The following PCLO variants were observed in gnomAD, a reference collection of about 807,000 sequenced individuals.
The protein encoded by PCLO is protein piccolo.
A neutral mutation model predicts 427.5 loss-of-function variants in PCLO; 82 were observed. The observed-to-expected ratio is 0.19, with a 90% confidence interval of 0.16 to 0.23. The LOEUF is 0.23. Among genes scored for constraint, PCLO ranks in the 10% least tolerant of loss-of-function variants. The probability of loss-of-function intolerance (pLI) is 1.00; values close to 1 mark genes in which losing one functional copy is unlikely to be tolerated. For synonymous variants in PCLO, 2,357 were observed against 2,155.4 expected, an observed-to-expected ratio of 1.09 and a Z score of -2.59; for missense variants, 6,239 against 6,115.9, an observed-to-expected ratio of 1.02 and a Z score of -0.67.
chr7:83,061,697 C>A (rs1034634017), intron 3 of PCLO, among the ~76,000 whole-genome samples: 4 of 152,088 alleles, frequency 2.6e-5, no homozygotes, highest in Admixed American at 2.0e-4. Context: ...AAATAGGATC[C>A]TTTCTGCCTT....
intron 3 of PCLO, among the ~76,000 whole-genome samples, chr7:83,037,862 C>T (rs1259960230): frequency 6.8e-6 from 1 of 146,600 alleles, no homozygotes; most frequent in Non-Finnish European, 1.5e-5. Context: ...TTCACTGGGA[C>T]CATTGAAGGA....
intron 18 of PCLO, among the ~76,000 whole-genome samples, chr7:82,825,828 A>G (rs1278936824): frequency 6.7e-6 from 1 of 148,180 alleles, no homozygotes; most frequent in African/African-American, 2.4e-5. Context: ...TAATATACGT[A>G]TATATAACAT....
In PCLO at chr7:82,758,698, A is replaced by G. The variant is rs752385627; in HGVS notation, c.15306T>C (p.Asn5102=). Residue 5102 remains asparagine (N), a synonymous_variant, in exon 25 of 25, where the codon AAT becomes AAC. Transcript: ENST00000333891. ...AGGTCTTTTTCATAAACTTCCCTCC[A>G]TTGGAGAAAAGTAAAATCTAGAAAA... The part of the protein sequence containing the change: ...GHSLQILLFS[N]GGKFMKKTLI... 4.1e-5 allele frequency: 65 copies of G among 1,599,224 alleles called. No homozygotes were observed. Among genetic ancestry groups the G allele is most frequent in the Non-Finnish European group, 5.5e-5 (64 of 1,169,044 alleles).
intron 8 of PCLO, among the ~76,000 whole-genome samples, chr7:82,905,210 C>T (rs1441713388): frequency 6.6e-6 from 1 of 151,952 alleles, no homozygotes; most frequent in South Asian, 2.1e-4. Flanking sequence ...TGCCTATAGG[C>T]CTCCCAGAAA....
In PCLO at chr7:82,952,028, C is replaced by G. The variant is rs1795363566; in HGVS notation, c.8925G>C (p.Gln2975His). The stretch of plus-strand genomic sequence containing the variant: ...AACCATATGGCCCTGATCGATCATA[C>G]TGATAGTGGTCATCCCTATAACCAA... ...DRFGYRDDHY[Q>H]YDRSGPYGYR... Residue 2975 changes from glutamine (Q) to histidine (H), a missense_variant, in exon 5 of 25, where the codon CAG becomes CAC. Gln to His is a conservative substitution (Grantham distance 24). Transcript: ENST00000333891. 1 of 1,613,948 alleles carries G rather than the reference C, an allele frequency of 6.2e-7. No homozygotes were observed. Among genetic ancestry groups the G allele is most frequent in the Non-Finnish European group, 8.5e-7 (1 of 1,179,840 alleles).
In PCLO at chr7:82,916,684, T is replaced by G; in HGVS notation, c.11302A>C (p.Arg3768=). ...TCCCTTTCCACAAGATCAAGCTCTC[T>G]GTCTATGTCCTGGAGAATCTTGGCT... ...ARAKILQDID[R]ELDLVERESA... is the part of the protein sequence containing the mutation. Residue 3768 remains arginine (R), a synonymous_variant, in exon 7 of 25, where the codon AGA becomes CGA. Coordinates refer to ENST00000333891, the MANE Select transcript of PCLO (RefSeq NM_033026.6). 4 of 1,613,660 alleles carry G rather than the reference T, an allele frequency of 2.5e-6. No individual in the cohort carries two copies. Among genetic ancestry groups the G allele is most frequent in the Non-Finnish European group, 3.4e-6 (4 of 1,179,720 alleles).
At chr7:83,051,251 A>G (rs996369961) in intron 3 of PCLO, among the ~76,000 whole-genome samples, 1 of 151,658 alleles carries the variant, frequency 6.6e-6, no homozygotes, top group Non-Finnish European at 1.5e-5. Context: ...ATAGGTTGGG[A>G]AGAAAGAGAC....
chr7:82,882,644 TG>T (rs1385079381), intron 9 of PCLO, among the ~76,000 whole-genome samples: 1 of 152,130 alleles, frequency 6.6e-6, no homozygotes, highest in Non-Finnish European at 1.5e-5. Flanking sequence ...CTTCAAAGGT[TG>T]GGATATTTAT....
At chr7:82,966,595 A>G (rs996320459) in intron 3 of PCLO, 108 bp from the exon 4 acceptor site, 5 of 563,116 alleles carry the variant, frequency 8.9e-6, no homozygotes, top group African/African-American at 7.7e-5. Context: ...GTTTTTGTAC[A>G]TGGAGAAGGT....
chr7:83,045,295 G>A (rs1789077061), intron 3 of PCLO, among the ~76,000 whole-genome samples: 1 of 152,026 alleles, frequency 6.6e-6, no homozygotes, highest in African/African-American at 2.4e-5. Flanking sequence ...TTGTATTGGG[G>A]GTGGAGAGAA....
At position 82,983,011 on chromosome 7, in the gene PCLO, C is replaced by A. The variant is rs930282746; in HGVS notation, c.3301-16524G>T. Among the ~76,000 whole-genome samples the A allele has an allele frequency of 7.3e-5, 11 of 151,672 alleles. No individual in the cohort carries two copies. In the East Asian group the frequency reaches 1.2e-3, roughly 16 times the overall value. On this transcript the variant is annotated intron_variant, in intron 3 of 24. Transcript: ENST00000333891. ...TAAATTAACACCTACTCTAATAACA[C>A]TGATGTATTATGAAAAATAATGAGG...
intron 3 of PCLO, among the ~76,000 whole-genome samples, chr7:82,985,693 A>AAAATATTATAG: frequency 6.6e-6 from 1 of 152,088 alleles, no homozygotes; most frequent in Admixed American, 6.6e-5. Context: ...CTAAGGAGTA[A>AAAATATTATAG]AAATATTATA....
intron 17 of PCLO, among the ~76,000 whole-genome samples, chr7:82,826,943 T>C (rs538874562): frequency 2.0e-5 from 3 of 152,134 alleles, no homozygotes; most frequent in Non-Finnish European, 2.9e-5. Flanking sequence ...TTTTCAAAAA[T>C]AGAAATCAGA....
At chr7:83,056,731 G>T (rs1192160421) in intron 3 of PCLO, among the ~76,000 whole-genome samples, 1 of 152,122 alleles carries the variant, frequency 6.6e-6, no homozygotes, top group East Asian at 1.9e-4. Context: ...GGGTCATTTA[G>T]TCCAGGAGCT....
chr7:83,050,524 T>C (rs943583167), intron 3 of PCLO, among the ~76,000 whole-genome samples: 3 of 151,762 alleles, frequency 2.0e-5, no homozygotes, highest in African/African-American at 7.3e-5. Flanking sequence ...GATTAAAAAA[T>C]ACAGTCTCTC....
At chr7:83,000,852 ATTAAT>A (rs1405511586) in intron 3 of PCLO, among the ~76,000 whole-genome samples, 4 of 152,028 alleles carry the variant, frequency 2.6e-5, no homozygotes, top group South Asian at 2.1e-4. Flanking sequence ...TTTATTCTTA[ATTAAT>A]TTAACTGATA....
At chr7:82,762,623 T>A (rs1583946530) in intron 22 of PCLO, among the ~76,000 whole-genome samples, 1 of 142,202 alleles carries the variant, frequency 7.0e-6, no homozygotes, top group Admixed American at 7.1e-5. Context: ...AAGTAGATAT[T>A]TAAAAATATT....
At chr7:82,772,437 G>T (rs562558175) in intron 22 of PCLO, among the ~76,000 whole-genome samples, 6 of 152,108 alleles carry the variant, frequency 3.9e-5, no homozygotes, top group Non-Finnish European at 7.4e-5. Context: ...TTAGGGCTAA[G>T]TGGGGGCTGA....
chr7:83,159,678 ATC>A (rs1416632311), intron 1 of PCLO, among the ~76,000 whole-genome samples: 1 of 152,124 alleles, frequency 6.6e-6, no homozygotes, highest in Non-Finnish European at 1.5e-5. Flanking sequence ...ATGTAAAAGC[ATC>A]TGAGATAATA....
Sources: gnomAD v4.1 joint callset for allele counts (sites outside exome capture counted in the v4.1 genomes callset) on GRCh38, gnomAD v4.1.1 for gene constraint, MANE v1.5 for transcripts, NCBI Gene and HGNC (gene_info 2026-07-23, HGNC 2026-07-21) for gene names.